ADAM23: variants seen among roughly 807,000 people sequenced by gnomAD.
ADAM23 encodes disintegrin and metalloproteinase domain-containing protein 23.
Under a neutral mutation model 120.1 loss-of-function variants are expected in ADAM23, and 33 were observed. That is an observed-to-expected ratio of 0.27 (90% confidence interval 0.21 to 0.37). The LOEUF (loss-of-function observed/expected upper bound fraction) is 0.37, where lower values mean the gene tolerates loss of function less well. Among genes scored for constraint, ADAM23 ranks in the 10% least tolerant of loss-of-function variants. The probability of loss-of-function intolerance (pLI) is 1.00; values close to 1 mark genes in which losing one functional copy is unlikely to be tolerated. For missense variants in ADAM23, 862 were observed against 1,058.2 expected (o/e 0.81, Z 2.57); for synonymous variants, 367 against 375.2 (o/e 0.98, Z 0.25).
rs1696962983 is a variant in ADAM23 at position 206,527,216 on chromosome 2, C to T, written c.510-3669C>T. On this transcript the variant is annotated intron_variant, in intron 3 of 25. Transcript: ENST00000264377. ...ATTGGCTGATCAACAAAGTAAAATG[C>T]CAGTTTATATTTGGGTCCGCAATTG... Among the ~76,000 whole-genome samples, 3 of 152,260 alleles carry T rather than the reference C, an allele frequency of 2.0e-5. No individual in the cohort carries two copies. The South Asian group carries it at 6.2e-4, about 32-fold the overall frequency.
At chr2:206,543,465 T>A (rs1574523676) in intron 6 of ADAM23, 149 bp downstream of exon 6, 1 of 654,616 alleles carries the variant, frequency 1.5e-6, no homozygotes, top group East Asian at 2.7e-5. Flanking sequence ...AGTTTTGAAG[T>A]TTTAAGTTGC....
At chr2:206,587,204 ATG>A (rs1018819257) in intron 18 of ADAM23, 119 bp from the exon 19 acceptor site, 2 of 634,010 alleles carry the variant, frequency 3.2e-6, no homozygotes, top group African/African-American at 3.7e-5. Context: ...AAGGAGTTGC[ATG>A]TGTTTTTCTC....
At position 206,457,136 on chromosome 2, in the gene ADAM23, T is replaced by C. The variant is rs765914055; in HGVS notation, c.432+11612T>C. ...TAAGTAGAATGCATGAAATCAACTTTAGCTCAACTCTCCAATGCATTGGTA... is the reference window on the plus strand; with the variant it reads ...TAAGTAGAATGCATGAAATCAACTTCAGCTCAACTCTCCAATGCATTGGTA... On this transcript the variant is annotated intron_variant, in intron 2 of 25. Coordinates refer to ENST00000264377, the MANE Select transcript of ADAM23 (RefSeq NM_003812.4). 6.6e-4 allele frequency among the ~76,000 whole-genome samples: 100 copies of C among 152,218 alleles called. 2 individuals carry two copies. Among genetic ancestry groups the C allele is most frequent in the Non-Finnish European group, 4.1e-4 (28 of 68,034 alleles).
intron 3 of ADAM23, among the ~76,000 whole-genome samples, chr2:206,529,468 A>G (rs909647041): frequency 6.6e-6 from 1 of 151,910 alleles, no homozygotes; most frequent in Non-Finnish European, 1.5e-5. Flanking sequence ...GTGCAATCGT[A>G]GCTCACTGCA....
chr2:206,493,684 T>C (rs2105887508), intron 3 of ADAM23, among the ~76,000 whole-genome samples: 1 of 152,336 alleles, frequency 6.6e-6, no homozygotes, highest in African/African-American at 2.4e-5. Flanking sequence ...TATTGGCTTT[T>C]TAAATGAAAC....
chr2:206,593,921 A>G (rs188281615), intron 22 of ADAM23, among the ~76,000 whole-genome samples: 22 of 151,576 alleles, frequency 1.5e-4, no homozygotes, highest in East Asian at 1.2e-3. Flanking sequence ...TTTTTACACA[A>G]TGGTAAGTAC....
chr2:206,495,080 A>T (rs1696211606), intron 3 of ADAM23, among the ~76,000 whole-genome samples: 1 of 152,244 alleles, frequency 6.6e-6, no homozygotes, highest in Non-Finnish European at 1.5e-5. Context: ...ACTCTGCAGG[A>T]TATTATCCAG....
chr2:206,497,540 A>G (rs1164836223), intron 3 of ADAM23, among the ~76,000 whole-genome samples: 1 of 152,210 alleles, frequency 6.6e-6, no homozygotes, highest in Non-Finnish European at 1.5e-5. Flanking sequence ...ACCCACAGCC[A>G]ATATCATACT....
intron 9 of ADAM23, among the ~76,000 whole-genome samples, chr2:206,550,893 G>A (rs549228783): frequency 1.4e-4 from 21 of 152,290 alleles, no homozygotes; most frequent in African/African-American, 4.1e-4. Flanking sequence ...GAGCCACCGC[G>A]CCCGGCGACT....
chr2:206,594,989 T>A, intron 23 of ADAM23, 84 bp downstream of exon 23: 1 of 1,532,396 alleles, frequency 6.5e-7, no homozygotes, highest in South Asian at 1.2e-5. Flanking sequence ...GCCATTCTCC[T>A]AGCCAACATG....
intron 24 of ADAM23, chr2:206,605,833 C>G: frequency 2.9e-6 from 2 of 698,712 alleles, no homozygotes; most frequent in Admixed American, 4.1e-5. Context: ...TGGCCGGCAC[C>G]ATTCTGGCCC....
At chr2:206,544,535 A>G (rs571621341) in intron 6 of ADAM23, among the ~76,000 whole-genome samples, 1 of 152,332 alleles carries the variant, frequency 6.6e-6, no homozygotes, top group South Asian at 2.1e-4. Context: ...CACAGAATGA[A>G]TAAGTAATTA....
chr2:206,483,277 A>C (rs1695935442), intron 3 of ADAM23, among the ~76,000 whole-genome samples: 2 of 152,216 alleles, frequency 1.3e-5, no homozygotes, highest in Admixed American at 1.3e-4. Context: ...TGTCTAGCTG[A>C]AATGGGCAGT....
In ADAM23 at chr2:206,543,283, T is replaced by C; in HGVS notation, c.687T>C (p.Tyr229=). ...TGTTTGAAGATGATACCTTCGTGTA[T>C]ATGATAGAGCCACTAGAGCTGGTTC... is the stretch of plus-strand genomic sequence containing the variant. ...HGMFEDDTFV[Y]MIEPLELVHD... is the part of the protein sequence containing the mutation. The change falls in exon 6 of 26, where the codon TAT becomes TAC. Residue 229 remains tyrosine (Y), a synonymous_variant. Transcript: ENST00000264377. The C allele has an allele frequency of 6.2e-7, 1 of 1,614,130 alleles. No homozygotes were observed. Among genetic ancestry groups the C allele is most frequent in the South Asian group, 1.1e-5 (1 of 91,076 alleles).
Position 206,541,903 on chromosome 2 carries a change from T to C in ADAM23, c.574-149T>C, listed in dbSNP as rs537933867. The stretch of plus-strand genomic sequence containing the variant: ...AAAGTTGAAAAATTGCCTAGTCTTA[T>C]TTGCAACTTTATATAGGAGGAGTTT... On this transcript the variant is annotated intron_variant, in intron 4 of 25. Transcript: ENST00000264377. The C allele has an allele frequency of 4.1e-4, 304 of 741,160 alleles. 1 individual carries two copies. In the African/African-American group the frequency reaches 4.4e-3, roughly 11 times the overall value. The allele number at this position is 741,160 out of a possible 1,614,324, so 45.9% of individuals were successfully genotyped here.
chr2:206,547,069 A>G (rs1697413715), intron 6 of ADAM23, among the ~76,000 whole-genome samples: 1 of 152,128 alleles, frequency 6.6e-6, no homozygotes, highest in African/African-American at 2.4e-5. Flanking sequence ...TTTTATGGCA[A>G]AAGTTGGTGC....
chr2:206,510,790 C>G (rs775326668), intron 3 of ADAM23, among the ~76,000 whole-genome samples: 9 of 152,148 alleles, frequency 5.9e-5, no homozygotes, highest in Non-Finnish European at 1.5e-5. Flanking sequence ...TGTGAGGCCA[C>G]CTAGTTTTTC....
rs528142525 is a variant in ADAM23 at position 206,561,503 on chromosome 2, C to T, written c.1254+291C>T. ...TTAAGCTTTTATAAGCTTATTAATC[C>T]TTCTCTGACTTTTTTTTTGTTATAA... On this transcript the variant is annotated intron_variant, in intron 12 of 25. Coordinates refer to ENST00000264377, the MANE Select transcript of ADAM23 (RefSeq NM_003812.4). Among the ~76,000 whole-genome samples, 11 of 152,016 alleles carry T rather than the reference C, an allele frequency of 7.2e-5. No homozygotes were observed. The South Asian group carries it at 2.3e-3, about 32-fold the overall frequency.
chr2:206,617,915 A>AAC lies in ADAM23; in HGVS notation c.*298_*299dup, dbSNP rs1698966050. 2.9e-6 allele frequency: 1 copy of AAC among 344,488 alleles called. No homozygotes were observed. The highest frequency in any genetic ancestry group is 9.9e-5 in the South Asian group (1 of 10,072). The allele number at this position is 344,488 out of a possible 1,614,324, so 21.3% of individuals were successfully genotyped here. A position where few individuals can be genotyped will look rare whatever the true frequency, so the allele number is the denominator to read the frequency against. ...TTTTTTCCCTAATGGACGAAGGAACAACACACACACAAAAATTAAATGCAA... is the reference window on the plus strand; with the variant it reads ...TTTTTTCCCTAATGGACGAAGGAACAACACACACACACAAAAATTAAATGCAA... On this transcript the variant is annotated 3_prime_UTR_variant, in exon 26 of 26. Transcript: ENST00000264377.
Sources: allele counts gnomAD v4.1 joint callset (sites outside exome capture counted in the v4.1 genomes callset), GRCh38; gene constraint gnomAD v4.1.1; transcripts MANE v1.5; gene names NCBI Gene and HGNC (gene_info 2026-07-23, HGNC 2026-07-21).